FCHSD2: variants seen among roughly 807,000 people sequenced by gnomAD.
The protein encoded by FCHSD2 is FCH and double SH3 domains 2.
Under a neutral mutation model 108.1 loss-of-function variants are expected in FCHSD2, and 38 were observed. The observed-to-expected ratio is 0.35, with a 90% CI of 0.27 to 0.46. The LOEUF (loss-of-function observed/expected upper bound fraction) is 0.46. FCHSD2 is among the 20% of genes least tolerant of loss of function. The pLI, the probability that FCHSD2 is intolerant of heterozygous loss-of-function variation, is 1.00. For synonymous variants in FCHSD2, 279 were observed against 314.7 expected (o/e 0.89, Z 1.20); for missense variants, 751 against 897.8 (o/e 0.84, Z 2.09).
intron 14 of FCHSD2, among the ~76,000 whole-genome samples, chr11:72,848,512 A>C (rs1861205074): frequency 6.6e-6 from 1 of 152,122 alleles, no homozygotes; most frequent in South Asian, 2.1e-4. Flanking sequence ...AAATCTTTTC[A>C]CACTTGTTCT....
intron 19 of FCHSD2, among the ~76,000 whole-genome samples, chr11:72,839,082 C>T (rs1292777557): frequency 6.6e-6 from 1 of 152,238 alleles, no homozygotes; most frequent in African/African-American, 2.4e-5. Flanking sequence ...CACAAATCAG[C>T]TTCTTGCCTA....
chr11:72,897,612 CAT>C (rs750337572), intron 10 of FCHSD2, among the ~76,000 whole-genome samples: 10 of 152,156 alleles, frequency 6.6e-5, no homozygotes, highest in Non-Finnish European at 1.3e-4. Flanking sequence ...TCATTTTACA[CAT>C]GAGGAAGCTG....
At chr11:73,085,684 A>G (rs1204662909) in intron 2 of FCHSD2, among the ~76,000 whole-genome samples, 1 of 152,066 alleles carries the variant, frequency 6.6e-6, no homozygotes, top group Non-Finnish European at 1.5e-5. Flanking sequence ...CTCAGTACAG[A>G]CTACCTACAA....
At chr11:73,134,480 A>G (rs1565107093) in intron 2 of FCHSD2, among the ~76,000 whole-genome samples, 1 of 152,110 alleles carries the variant, frequency 6.6e-6, no homozygotes, top group Non-Finnish European at 1.5e-5. Flanking sequence ...AAAAAAAAAA[A>G]GTCTCAGAAC....
chr11:72,986,159 A>G (rs563862635), intron 6 of FCHSD2, among the ~76,000 whole-genome samples: 2 of 152,284 alleles, frequency 1.3e-5, no homozygotes, highest in South Asian at 2.1e-4. Context: ...TTGGGTTTAA[A>G]AGATTCCTGT....
Position 73,050,325 on chromosome 11 carries a change from A to T in FCHSD2, c.165+33370T>A, listed in dbSNP as rs1858868876. Among the ~76,000 whole-genome samples the T allele has an allele frequency of 2.0e-5, 3 of 152,364 alleles. No individual in the cohort carries two copies. In the South Asian group the frequency reaches 6.2e-4, roughly 32 times the overall value. ...TAGCTCCAAGTTTCCATAAAAAGTC[A>T]TTAAGCAATTCAACAATATGTAGAA... On this transcript the variant is annotated intron_variant, in intron 3 of 19. Coordinates refer to ENST00000409418, the MANE Select transcript of FCHSD2 (RefSeq NM_014824.3).
At chr11:73,132,985 T>C (rs1181326196) in intron 2 of FCHSD2, among the ~76,000 whole-genome samples, 2 of 152,166 alleles carry the variant, frequency 1.3e-5, no homozygotes, top group Admixed American at 6.5e-5. Flanking sequence ...TCAAAGAAGA[T>C]ATACAAATGG....
intron 8 of FCHSD2, among the ~76,000 whole-genome samples, chr11:72,943,327 T>G (rs1856457829): frequency 6.6e-6 from 1 of 152,184 alleles, no homozygotes; most frequent in African/African-American, 2.4e-5. Context: ...ATTTAACACT[T>G]ACTTCAACTT....
intron 2 of FCHSD2, among the ~76,000 whole-genome samples, chr11:73,125,480 G>A (rs1419072914): frequency 6.6e-6 from 1 of 151,880 alleles, no homozygotes; most frequent in African/African-American, 2.4e-5. Flanking sequence ...CAAAGAAGGG[G>A]GACTGCTTGA....
chr11:73,113,976 C>T lies in FCHSD2; in HGVS notation c.119+26055G>A, dbSNP rs61896990. 2.2e-3 allele frequency among the ~76,000 whole-genome samples: 328 copies of T among 152,218 alleles called. 2 individuals carry two copies. The highest frequency in any genetic ancestry group is 4.1e-3 in the Non-Finnish European group (279 of 68,014). On this transcript the variant is annotated intron_variant, in intron 2 of 19. Coordinates refer to ENST00000409418, the MANE Select transcript of FCHSD2 (RefSeq NM_014824.3). ...GCTCAAGGGCCTAGGGCTCTACAAT[C>T]AGCAGGTGATAAAGCAAGCTGGGCC...
Position 72,841,586 on chromosome 11 carries a change from G to C in FCHSD2, c.1927-3C>G. The C allele has an allele frequency of 6.3e-7, 1 of 1,595,422 alleles. No individual in the cohort carries two copies. The highest frequency in any genetic ancestry group is 8.5e-7 in the Non-Finnish European group (1 of 1,172,888). On this transcript the variant is annotated splice_polypyrimidine_tract_variant and splice_region_variant and intron_variant, in intron 17 of 19. Coordinates refer to ENST00000409418, the MANE Select transcript of FCHSD2 (RefSeq NM_014824.3). The stretch of plus-strand genomic sequence containing the variant: ...TGTGGCTTGGGGGAAGGAGAGATCT[G>C]CAGCAAAGGGAAGCGAGGTTACCCG...
intron 2 of FCHSD2, among the ~76,000 whole-genome samples, chr11:73,127,199 G>A (rs1860879365): frequency 6.6e-6 from 1 of 152,098 alleles, no homozygotes; most frequent in East Asian, 1.9e-4. Context: ...CATAACACCA[G>A]AAATAACATT....
rs546143883 is a variant in FCHSD2 at position 72,905,422 on chromosome 11, C to T, written c.829-2784G>A. Among the ~76,000 whole-genome samples the T allele has an allele frequency of 2.6e-5, 4 of 152,210 alleles. No homozygotes were observed. The East Asian group carries it at 7.7e-4, about 29-fold the overall frequency. ...AAGCATTTATCCTTACTTTGTATTA[C>T]AAAAAATCCAATTATACTTTTTTAT... On this transcript the variant is annotated intron_variant, in intron 9 of 19. Coordinates refer to ENST00000409418, the MANE Select transcript of FCHSD2 (RefSeq NM_014824.3).
intron 9 of FCHSD2, among the ~76,000 whole-genome samples, chr11:72,918,260 T>A (rs927778881): frequency 5.9e-5 from 9 of 152,210 alleles, no homozygotes; most frequent in Non-Finnish European, 1.3e-4. Flanking sequence ...GTTGCTAAAT[T>A]TATTAGCTCT....
intron 10 of FCHSD2, among the ~76,000 whole-genome samples, chr11:72,897,878 C>T (rs974145110): frequency 3.3e-5 from 5 of 152,070 alleles, no homozygotes; most frequent in Non-Finnish European, 1.5e-5. Context: ...AAAGTCATTT[C>T]AGCAAAAAAG....
intron 12 of FCHSD2, among the ~76,000 whole-genome samples, chr11:72,874,686 T>C (rs1163989473): frequency 6.6e-6 from 1 of 152,222 alleles, no homozygotes; most frequent in Non-Finnish European, 1.5e-5. Flanking sequence ...TGTCAGTATT[T>C]TATCAAACAA....
At position 72,986,141 on chromosome 11, in the gene FCHSD2, T is replaced by TA. The variant is rs549731920; in HGVS notation, c.522-1026dup. On this transcript the variant is annotated intron_variant, in intron 6 of 19. Transcript: ENST00000409418. ...TGCAGCCCAACTACTTCCCCATTGT[T>TA]AAAAAAATTGGGTTTAAAAGATTCC... Among the ~76,000 whole-genome samples the TA allele has an allele frequency of 2.2e-3, 335 of 152,268 alleles. 3 individuals are homozygous for TA. The highest frequency in any genetic ancestry group is 7.7e-3 in the African/African-American group (320 of 41,540).
intron 2 of FCHSD2, among the ~76,000 whole-genome samples, chr11:73,122,477 T>C (rs900642408): frequency 6.6e-6 from 1 of 152,224 alleles, no homozygotes. Context: ...TTAACCATCT[T>C]CTTTCTTGAT....
intron 13 of FCHSD2, among the ~76,000 whole-genome samples, chr11:72,861,748 A>T (rs1861581515): frequency 6.6e-6 from 1 of 152,076 alleles, no homozygotes; most frequent in South Asian, 2.1e-4. Context: ...TGACCGACAT[A>T]GAGAAACCCT....
Sources: gnomAD v4.1 joint callset for allele counts (sites outside exome capture counted in the v4.1 genomes callset) on GRCh38, gnomAD v4.1.1 for gene constraint, MANE v1.5 for transcripts, NCBI Gene and HGNC (gene_info 2026-07-23, HGNC 2026-07-21) for gene names.